Variants in TMCO4 observed in about 807,000 individuals in gnomAD.
The protein encoded by TMCO4 is transmembrane and coiled-coil domains 4.
TMCO4 carries 58 observed loss-of-function variants against 64.7 expected under a neutral mutation model. The ratio of observed to expected loss-of-function variants is 0.90; its 90% CI spans 0.73 to 1.12. The LOEUF is 1.12. Among genes scored for constraint, TMCO4 ranks in the 50% most tolerant of loss-of-function variants. The pLI is 0.00. For missense variants in TMCO4, 780 were observed against 825.9 expected (o/e 0.94, Z 0.68); for synonymous variants, 325 against 346.1 (o/e 0.94, Z 0.68).
intron 13 of TMCO4, among the ~76,000 whole-genome samples, chr1:19,730,083 C>G (rs1406364121): frequency 6.6e-6 from 1 of 152,252 alleles, no homozygotes; most frequent in East Asian, 1.9e-4. Context: ...CCAAATGGTT[C>G]TAGCTCTCTG....
At chr1:19,693,525 T>C (rs1280558778) in intron 15 of TMCO4, among the ~76,000 whole-genome samples, 1 of 152,170 alleles carries the variant, frequency 6.6e-6, no homozygotes, top group African/African-American at 2.4e-5. Context: ...TGGGTTTGTG[T>C]GGCTGCCCAG....
At chr1:19,774,539 A>G (rs1269937788) in intron 4 of TMCO4, among the ~76,000 whole-genome samples, 2 of 152,222 alleles carry the variant, frequency 1.3e-5, no homozygotes, top group African/African-American at 4.8e-5. Flanking sequence ...GTTTCTTTCC[A>G]TAGACAAATG....
intron 13 of TMCO4, among the ~76,000 whole-genome samples, chr1:19,735,054 C>T (rs914920698): frequency 6.6e-5 from 10 of 152,138 alleles, no homozygotes; most frequent in Admixed American, 2.6e-4. Context: ...CTGTGCTGGG[C>T]ACTAGGGGGG....
At chr1:19,749,589 A>C (rs2041937493) in intron 7 of TMCO4, among the ~76,000 whole-genome samples, 1 of 152,050 alleles carries the variant, frequency 6.6e-6, no homozygotes, top group African/African-American at 2.4e-5. Flanking sequence ...GCTGGTCTCA[A>C]ACTCCTGGGC....
At chr1:19,707,729 A>G (rs1219428100) in intron 13 of TMCO4, among the ~76,000 whole-genome samples, 1 of 152,234 alleles carries the variant, frequency 6.6e-6, no homozygotes, top group Non-Finnish European at 1.5e-5. Context: ...CACTGCTAGA[A>G]AGACCTACCT....
chr1:19,717,513 C>T (rs1055515574), intron 13 of TMCO4, among the ~76,000 whole-genome samples: 7 of 152,234 alleles, frequency 4.6e-5, no homozygotes, highest in South Asian at 2.1e-4. Flanking sequence ...TTCTGCTGGA[C>T]GGGCCAAGCC....
intron 2 of TMCO4, among the ~76,000 whole-genome samples, chr1:19,791,368 G>A (rs1427268522): frequency 6.6e-6 from 1 of 152,076 alleles, no homozygotes; most frequent in East Asian, 1.9e-4. Flanking sequence ...AGCAAGGGTT[G>A]GTGGGACAGA....
At chr1:19,686,954 A>C (rs891348916) in intron 15 of TMCO4, among the ~76,000 whole-genome samples, 1 of 61,680 alleles carries the variant, frequency 1.6e-5, no homozygotes, top group African/African-American at 1.1e-4. Flanking sequence ...TGTTTTTCTT[A>C]ATTTTTTTTT....
In TMCO4 at chr1:19,727,857, T is replaced by C. The variant is rs2095415178; in HGVS notation, c.1264+9515A>G. Among the ~76,000 whole-genome samples, 4 of 152,296 alleles carry C rather than the reference T, an allele frequency of 2.6e-5. No homozygotes were observed. In the South Asian group the frequency reaches 8.3e-4, roughly 32 times the overall value. ...AAGAAAATGTGGTACATATATACCA[T>C]GGAATATGATGCAGCCATAAAAATG... On this transcript the variant is annotated intron_variant, in intron 13 of 15. Coordinates refer to ENST00000294543, the MANE Select transcript of TMCO4 (RefSeq NM_181719.7).
At chr1:19,765,760 G>A (rs905929882) in intron 6 of TMCO4, among the ~76,000 whole-genome samples, 3 of 151,810 alleles carry the variant, frequency 2.0e-5, no homozygotes, top group South Asian at 2.1e-4. Flanking sequence ...ATATGGCACC[G>A]TTCGGTGACT....
At position 19,682,670 on chromosome 1, in the gene TMCO4, C is replaced by T. The variant is rs1239464619; in HGVS notation, c.*370G>A. The T allele has an allele frequency of 5.6e-6, 4 of 717,476 alleles. No homozygotes were observed. The highest frequency in any genetic ancestry group is 1.7e-5 in the African/African-American group (1 of 57,260). The allele number at this position is 717,476 out of a possible 1,614,324, so 44.4% of individuals were successfully genotyped here. A position where few individuals can be genotyped will look rare whatever the true frequency, so the allele number is the denominator to read the frequency against. The stretch of plus-strand genomic sequence containing the variant: ...AGAGCTGGTGTGGGAGCCTCAGGCC[C>T]CAGAGAGCCCTCGGGACCTCCTGAT... On this transcript the variant is annotated 3_prime_UTR_variant, in exon 16 of 16. Transcript: ENST00000294543.
intron 13 of TMCO4, among the ~76,000 whole-genome samples, chr1:19,711,440 ATG>A (rs2095330307): frequency 1.3e-5 from 2 of 152,212 alleles, no homozygotes; most frequent in Admixed American, 1.3e-4. Context: ...AAAGTGAGAA[ATG>A]TGTGATGTTT....
intron 2 of TMCO4, among the ~76,000 whole-genome samples, chr1:19,792,578 T>G (rs1037766380): frequency 6.6e-6 from 1 of 152,140 alleles, no homozygotes; most frequent in African/African-American, 2.4e-5. Flanking sequence ...ATTCTAAAGT[T>G]AGCACCAAGG....
chr1:19,747,155 G>A lies in TMCO4; in HGVS notation c.613+8C>T. On this transcript the variant is annotated splice_region_variant and intron_variant, in intron 8 of 15. Coordinates refer to ENST00000294543, the MANE Select transcript of TMCO4 (RefSeq NM_181719.7). ...CAGACGTGTGCCACCATCTCTAGCT[G>A]GACTCACCGATCACCGTTCCGCCTC... is the stretch of plus-strand genomic sequence containing the variant. 6.2e-7 allele frequency: 1 copy of A among 1,613,302 alleles called. No homozygotes were observed. Among genetic ancestry groups the A allele is most frequent in the Non-Finnish European group, 8.5e-7 (1 of 1,179,416 alleles).
At chr1:19,721,888 C>T (rs1201090397) in intron 13 of TMCO4, among the ~76,000 whole-genome samples, 2 of 152,188 alleles carry the variant, frequency 1.3e-5, no homozygotes, top group African/African-American at 4.8e-5. Flanking sequence ...CTTCCAGGTA[C>T]TACTAACCTT....
intron 13 of TMCO4, among the ~76,000 whole-genome samples, chr1:19,731,636 G>C (rs775192324): frequency 6.6e-6 from 1 of 152,234 alleles, no homozygotes; most frequent in Non-Finnish European, 1.5e-5. Context: ...TCCTGCAAGC[G>C]CCTGGTGCTG....
chr1:19,723,849 C>T (rs901047750), intron 13 of TMCO4, among the ~76,000 whole-genome samples: 2 of 152,072 alleles, frequency 1.3e-5, no homozygotes, highest in Admixed American at 1.3e-4. Flanking sequence ...GGTGACAATG[C>T]CCTGTGGGTT....
intron 6 of TMCO4, among the ~76,000 whole-genome samples, chr1:19,758,927 C>A (rs1001173584): frequency 4.6e-5 from 7 of 151,942 alleles, no homozygotes; most frequent in African/African-American, 1.5e-4. Context: ...ATGGTGAAAC[C>A]CCTTCTCTAC....
intron 6 of TMCO4, among the ~76,000 whole-genome samples, chr1:19,766,196 C>T (rs1387032771): frequency 1.3e-5 from 2 of 152,196 alleles, no homozygotes; most frequent in African/African-American, 4.8e-5. Context: ...TACTAATGCC[C>T]ACCATGCGTC....
Sources: allele counts gnomAD v4.1 joint callset (sites outside exome capture counted in the v4.1 genomes callset), GRCh38; gene constraint gnomAD v4.1.1; transcripts MANE v1.5; gene names NCBI Gene and HGNC (gene_info 2026-07-23, HGNC 2026-07-21).